Variants in PIN1 observed in about 807,000 individuals in gnomAD.
The protein encoded by PIN1 is peptidyl-prolyl cis-trans isomerase NIMA-interacting 1.
PIN1 carries 8 observed loss-of-function variants against 19.9 expected under a neutral mutation model. The ratio of observed to expected loss-of-function variants is 0.40; its 90% confidence interval spans 0.24 to 0.72. The LOEUF (loss-of-function observed/expected upper bound fraction) is 0.72, where lower values mean the gene tolerates loss of function less well. Among genes scored for constraint, PIN1 ranks in the 30% least tolerant of loss-of-function variants. The pLI, the probability that PIN1 is intolerant of heterozygous loss-of-function variation, is 0.37. For synonymous variants in PIN1, 86 were observed against 90.8 expected, an observed-to-expected ratio of 0.95 and a Z score of 0.30; for missense variants, 185 against 226.5, an observed-to-expected ratio of 0.82 and a Z score of 1.18.
At chr19:9,839,918 T>G (rs936713637) in intron 2 of PIN1, among the ~76,000 whole-genome samples, 3 of 152,100 alleles carry the variant, frequency 2.0e-5, no homozygotes, top group African/African-American at 7.2e-5. Context: ...GAGGATCCTT[T>G]GAGCCCAGGA....
chr19:9,844,272 C>T (rs2046197383), intron 2 of PIN1, among the ~76,000 whole-genome samples: 1 of 152,204 alleles, frequency 6.6e-6, no homozygotes, highest in East Asian at 1.9e-4. Flanking sequence ...TAAGCGGTCA[C>T]TGATTCACTC....
intron 2 of PIN1, among the ~76,000 whole-genome samples, chr19:9,842,500 A>C (rs903387714): frequency 6.6e-6 from 1 of 152,112 alleles, no homozygotes; most frequent in African/African-American, 2.4e-5. Flanking sequence ...GGGGGAGCTG[A>C]GGTCAAGTCA....
At chr19:9,848,326 A>G (rs963537786) in intron 3 of PIN1, 186 bp downstream of exon 3, 2 of 604,326 alleles carry the variant, frequency 3.3e-6, no homozygotes, top group Non-Finnish European at 5.9e-6. Flanking sequence ...CCACACAGGG[A>G]GGGGGGCTGC....
intron 2 of PIN1, among the ~76,000 whole-genome samples, chr19:9,844,278 C>G (rs1027589411): frequency 2.6e-5 from 4 of 152,196 alleles, no homozygotes; most frequent in South Asian, 4.1e-4. Context: ...GTCACTGATT[C>G]ACTCCTTGGA....
At chr19:9,842,460 C>T (rs1302776051) in intron 2 of PIN1, among the ~76,000 whole-genome samples, 1 of 152,210 alleles carries the variant, frequency 6.6e-6, no homozygotes, top group Non-Finnish European at 1.5e-5. Context: ...ACGGTGGAGC[C>T]TCAGCCCCAG....
chr19:9,842,501 GGTCAA>G (rs1240621475), intron 2 of PIN1, among the ~76,000 whole-genome samples: 1 of 152,192 alleles, frequency 6.6e-6, no homozygotes, highest in Non-Finnish European at 1.5e-5. Context: ...GGGGAGCTGA[GGTCAA>G]GTCAAGGCCT....
In PIN1 at chr19:9,838,541, T is replaced by C. The variant is rs1447236390; in HGVS notation, c.164T>C (p.Val55Ala). The change falls in exon 2 of 4, where the codon GTC becomes GCC. Residue 55 changes from valine to alanine, a missense_variant. Val to Ala is a moderately conservative substitution (Grantham distance 64). Coordinates refer to ENST00000247970, the MANE Select transcript of PIN1 (RefSeq NM_006221.4). This position sits in a 1 kb window ranked among gnomAD's most constrained non-coding sequence, Gnocchi z 5.8. ...GKNGQGEPAR[V>A]RCSHLLVKHS... Reference sequence around the variant, plus strand: ...AACGGGCAGGGGGAGCCTGCCAGGGTCCGCTGCTCGCACCTGCTGGTGAAG... The same window carrying C: ...AACGGGCAGGGGGAGCCTGCCAGGGCCCGCTGCTCGCACCTGCTGGTGAAG... The C allele has an allele frequency of 6.3e-7, 1 of 1,590,580 alleles. No individual in the cohort carries two copies. The highest frequency in any genetic ancestry group is 1.1e-5 in the South Asian group (1 of 87,426).
At position 9,838,913 on chromosome 19, in the gene PIN1, C is replaced by T. The variant is rs987925938; in HGVS notation, c.271+265C>T. Reference sequence around the variant, plus strand: ...ATGGGTTCAGGTAGTAGCTGTGCCTCTGTGAACTCTGTGACCTTTGGGAGG... The same window carrying T: ...ATGGGTTCAGGTAGTAGCTGTGCCTTTGTGAACTCTGTGACCTTTGGGAGG... On this transcript the variant is annotated intron_variant, in intron 2 of 3. Coordinates refer to ENST00000247970, the MANE Select transcript of PIN1 (RefSeq NM_006221.4). This position sits in a 1 kb window ranked among gnomAD's most constrained non-coding sequence, Gnocchi z 5.8. Among the ~76,000 whole-genome samples the T allele has an allele frequency of 7.2e-5, 11 of 152,144 alleles. No individual in the cohort carries two copies. Among genetic ancestry groups the T allele is most frequent in the Non-Finnish European group, 1.5e-4 (10 of 68,040 alleles).
rs757401994 is a variant in PIN1, at chr19:9,849,478, G to T, written c.*279G>T. On this transcript the variant is annotated 3_prime_UTR_variant, in exon 4 of 4. Coordinates refer to ENST00000247970, the MANE Select transcript of PIN1 (RefSeq NM_006221.4). ...TCCCAGACCCAGGGCAGTGTGGTGG[G>T]AGGGGTGTTCCAAAGAGAAGGCCTG... The T allele has an allele frequency of 1.4e-6, 1 of 704,810 alleles. No individual in the cohort carries two copies. Among genetic ancestry groups the T allele is most frequent in the Admixed American group, 1.8e-5 (1 of 57,060 alleles). The allele number at this position is 704,810 out of a possible 1,614,324, so 43.7% of individuals were successfully genotyped here.
chr19:9,835,362 G>C lies in PIN1; in HGVS notation c.18G>C (p.Lys6Asn). MADEE[K>N]LPPGWEKRMS... The stretch of plus-strand genomic sequence containing the variant: ...GAGGGAAGATGGCGGACGAGGAGAA[G>C]CTGCCGCCCGGCTGGGAGAAGCGCA... Residue 6 changes from lysine (K) to asparagine (N), a missense_variant, in exon 1 of 4, where the codon AAG becomes AAC. Coordinates refer to ENST00000247970, the MANE Select transcript of PIN1 (RefSeq NM_006221.4). The C allele has an allele frequency of 6.6e-7, 1 of 1,522,836 alleles. No homozygotes were observed. The highest frequency in any genetic ancestry group is 8.8e-7 in the Non-Finnish European group (1 of 1,141,862). 94.3% of individuals were successfully genotyped at this position (1,522,836 alleles called of 1,614,324 possible).
intron 1 of PIN1, chr19:9,835,722 C>T (rs1034327361): frequency 7.9e-6 from 3 of 379,844 alleles, no homozygotes; most frequent in African/African-American, 6.4e-5. Flanking sequence ...CGTCTCTGCA[C>T]CTTGCTGGGC....
At position 9,838,677 on chromosome 19, in the gene PIN1, AG is replaced by A. The variant is rs2046136511; in HGVS notation, c.271+34del. 5 of 1,499,928 alleles carry A rather than the reference AG, an allele frequency of 3.3e-6. No individual in the cohort carries two copies. Among genetic ancestry groups the A allele is most frequent in the Non-Finnish European group, 4.5e-6 (5 of 1,114,254 alleles). 92.9% of individuals were successfully genotyped at this position (1,499,928 alleles called of 1,614,324 possible). A position where few individuals can be genotyped will look rare whatever the true frequency, so the allele number is the denominator to read the frequency against. The stretch of plus-strand genomic sequence containing the variant: ...AGCAGGGCGAGGGCAGGGGCTTGGG[AG>A]GGGGTCTTCTCCCAGGTGAGCCTTT... On this transcript the variant is annotated intron_variant, in intron 2 of 3. Transcript: ENST00000247970. The surrounding 1 kb of genome is among the most constrained non-coding windows in gnomAD (Gnocchi z 5.8).
In PIN1 at chr19:9,849,225, GGGGCA is replaced by G. The variant is rs781615417; in HGVS notation, c.*36_*40del. ...GGGTGGGGAGCCCAGGCCTGGCCTC[GGGGCA>G]GGGCAGGGCGGCTAGGCCGGCCAGC... On this transcript the variant is annotated 3_prime_UTR_variant, in exon 4 of 4. Coordinates refer to ENST00000247970, the MANE Select transcript of PIN1 (RefSeq NM_006221.4). The G allele has an allele frequency of 6.5e-7, 1 of 1,526,806 alleles. No individual in the cohort carries two copies. The highest frequency in any genetic ancestry group is 1.1e-5 in the South Asian group (1 of 87,632). 94.6% of individuals were successfully genotyped at this position (1,526,806 alleles called of 1,614,324 possible). A position where few individuals can be genotyped will look rare whatever the true frequency, so the allele number is the denominator to read the frequency against.
chr19:9,836,992 CTTA>C (rs148549769), intron 1 of PIN1: 10 of 520,088 alleles, frequency 1.9e-5, no homozygotes, highest in South Asian at 6.1e-5. Flanking sequence ...TTAGTGCTTT[CTTA>C]TTATTATTTT....
At chr19:9,841,112 G>A (rs1381959794) in intron 2 of PIN1, among the ~76,000 whole-genome samples, 2 of 152,154 alleles carry the variant, frequency 1.3e-5, no homozygotes, top group African/African-American at 4.8e-5. Flanking sequence ...ATTGGCTGTT[G>A]TTTTACTCTC....
intron 2 of PIN1, among the ~76,000 whole-genome samples, chr19:9,845,588 C>G (rs567036295): frequency 6.6e-6 from 1 of 152,090 alleles, no homozygotes; most frequent in Non-Finnish European, 1.5e-5. Context: ...CCAGCCTGAA[C>G]AATAAAGTGC....
At chr19:9,843,774 G>C (rs760949735) in intron 2 of PIN1, among the ~76,000 whole-genome samples, 1 of 152,188 alleles carries the variant, frequency 6.6e-6, no homozygotes, top group Non-Finnish European at 1.5e-5. Context: ...CTGGCCAGGC[G>C]CAGTGGCTCA....
intron 2 of PIN1, among the ~76,000 whole-genome samples, chr19:9,840,360 C>T (rs2046153136): frequency 6.6e-6 from 1 of 152,166 alleles, no homozygotes; most frequent in Non-Finnish European, 1.5e-5. Flanking sequence ...GCACTCCAGC[C>T]TCGGCAACAG....
chr19:9,838,570 A>G lies in PIN1; in HGVS notation c.193A>G (p.Ser65Gly). ...VRCSHLLVKH[S>G]QSRRPSSWRQ... is the part of the protein sequence containing the mutation. ...CTGCTCGCACCTGCTGGTGAAGCAC[A>G]GCCAGTCACGGCGGCCCTCGTCCTG... Residue 65 changes from serine to glycine, a missense_variant, in exon 2 of 4, where the codon AGC becomes GGC. Ser to Gly is a moderately conservative substitution (Grantham distance 56, BLOSUM62 0). Transcript: ENST00000247970. The surrounding 1 kb of genome is among the most constrained non-coding windows in gnomAD (Gnocchi z 5.8). 2 of 1,574,920 alleles carry G rather than the reference A, an allele frequency of 1.3e-6. No individual in the cohort carries two copies. The highest frequency in any genetic ancestry group is 1.7e-4 in the Middle Eastern group (1 of 5,860).
Sources: gnomAD v4.1 joint callset for allele counts (sites outside exome capture counted in the v4.1 genomes callset) on GRCh38, gnomAD v4.1.1 for gene constraint, Gnocchi (gnomAD v3.1) non-coding constraint, MANE v1.5 for transcripts, NCBI Gene and HGNC (gene_info 2026-07-23, HGNC 2026-07-21) for gene names.